Variants in PCDHA2 observed in about 807,000 individuals in gnomAD.
PCDHA2 encodes protocadherin alpha-2.
PCDHA2 carries 58 observed loss-of-function variants against 66.0 expected under a neutral mutation model. That is an observed-to-expected ratio of 0.88 (90% CI 0.71 to 1.09). PCDHA2 has a LOEUF of 1.09. Ranked by LOEUF, PCDHA2 falls within the 50% of genes least tolerant of loss-of-function variation. PCDHA2 has a pLI of 0.00. For missense variants in PCDHA2, 1,267 were observed against 1,242.3 expected (o/e 1.02, Z -0.30); for synonymous variants, 634 against 554.0 (o/e 1.14, Z -2.03).
At chr5:140,937,190 A>T (rs1255488487) in intron 1 of PCDHA2, among the ~76,000 whole-genome samples, 1 of 151,824 alleles carries the variant, frequency 6.6e-6, no homozygotes, top group East Asian at 2.0e-4. Context: ...GGCGCCCGCC[A>T]CCATGCCCGG....
intron 3 of PCDHA2, among the ~76,000 whole-genome samples, chr5:140,989,525 GAGGA>G (rs2097345403): frequency 6.6e-6 from 1 of 152,218 alleles, no homozygotes; most frequent in African/African-American, 2.4e-5. Flanking sequence ...GAGGGCAGAG[GAGGA>G]AGATAGTTTG....
intron 1 of PCDHA2, chr5:140,801,259 T>G (rs1762666214): frequency 3.7e-6 from 6 of 1,613,624 alleles, no homozygotes; most frequent in Non-Finnish European, 5.1e-6. Context: ...CTTCTGCTCC[T>G]CGCAGCCTCG....
intron 1 of PCDHA2, among the ~76,000 whole-genome samples, chr5:140,897,837 C>A: frequency 6.6e-6 from 1 of 152,116 alleles, no homozygotes; most frequent in African/African-American, 2.4e-5. Context: ...TCTCCACATC[C>A]TCTCCAGCAC....
At chr5:141,002,456 A>G (rs2098081347) in intron 3 of PCDHA2, among the ~76,000 whole-genome samples, 1 of 152,242 alleles carries the variant, frequency 6.6e-6, no homozygotes, top group Non-Finnish European at 1.5e-5. Context: ...GCACATTTGT[A>G]TAACGCTTTA....
chr5:140,916,367 C>G (rs1400347792), intron 1 of PCDHA2, among the ~76,000 whole-genome samples: 1 of 152,196 alleles, frequency 6.6e-6, no homozygotes, highest in Non-Finnish European at 1.5e-5. Flanking sequence ...GAGTCTTTCA[C>G]TGTAGCCACC....
chr5:140,842,929 C>A lies in PCDHA2; in HGVS notation c.2388+45577C>A, dbSNP rs2150347942. 3.8e-6 allele frequency: 6 copies of A among 1,594,270 alleles called. 1 individual carries two copies. The highest frequency in any genetic ancestry group is 5.1e-6 in the Non-Finnish European group (6 of 1,165,428). On this transcript the variant is annotated intron_variant, in intron 1 of 3. Coordinates refer to ENST00000526136, the MANE Select transcript of PCDHA2 (RefSeq NM_018905.3). ...TAGAGCTGCTGCAGTTCCAGGTGAGCGCGCGCGACGCGGGCGTGCCGCCTC... is the reference window on the plus strand; with the variant it reads ...TAGAGCTGCTGCAGTTCCAGGTGAGAGCGCGCGACGCGGGCGTGCCGCCTC...
intron 3 of PCDHA2, among the ~76,000 whole-genome samples, chr5:141,003,290 G>A (rs1302166316): frequency 1.3e-5 from 2 of 152,176 alleles, no homozygotes; most frequent in Non-Finnish European, 2.9e-5. Flanking sequence ...TTGGATTATA[G>A]GATTACATGA....
At chr5:140,842,919 T>A in intron 1 of PCDHA2, 1 of 1,594,538 alleles carries the variant, frequency 6.3e-7, no homozygotes, top group Non-Finnish European at 8.6e-7. Flanking sequence ...CTGCTGCAGT[T>A]CCAGGTGAGC....
intron 1 of PCDHA2, chr5:140,851,769 T>C: frequency 1.0e-6 from 1 of 967,128 alleles, no homozygotes; most frequent in Non-Finnish European, 1.2e-6. Flanking sequence ...ATTACCCTTA[T>C]GAATTTAGAT....
chr5:140,946,326 A>T (rs1554217498), intron 1 of PCDHA2, among the ~76,000 whole-genome samples: 1 of 151,914 alleles, frequency 6.6e-6, no homozygotes, highest in East Asian at 1.9e-4. Context: ...GAAAGAGGAA[A>T]GATAACAAGT....
chr5:140,928,308 C>A, intron 1 of PCDHA2: 1 of 1,614,126 alleles, frequency 6.2e-7, no homozygotes, highest in Non-Finnish European at 8.5e-7. Flanking sequence ...CCCAGGACCC[C>A]GACCTGGGGA....
chr5:140,821,991 C>A (rs782271106), intron 1 of PCDHA2: 2 of 1,614,008 alleles, frequency 1.2e-6, no homozygotes, highest in Non-Finnish European at 1.7e-6. Context: ...GCCGCGGGGA[C>A]CTTCTGGAGG....
chr5:140,857,728 C>T lies in PCDHA2; in HGVS notation c.2388+60376C>T, dbSNP rs781841380. ...TGTTCGTGCTGGACGAGAACGACAACGCTCCCGCGCTGCTGGCGTCTCCCG... is the reference window on the plus strand; with the variant it reads ...TGTTCGTGCTGGACGAGAACGACAATGCTCCCGCGCTGCTGGCGTCTCCCG... On this transcript the variant is annotated intron_variant, in intron 1 of 3. Transcript: ENST00000526136. 5.6e-6 allele frequency: 9 copies of T among 1,597,306 alleles called. 1 individual carries two copies. Among genetic ancestry groups the T allele is most frequent in the Non-Finnish European group, 5.1e-6 (6 of 1,167,718 alleles).
chr5:140,829,641 T>TGGAGCG, intron 1 of PCDHA2: 1 of 1,612,096 alleles, frequency 6.2e-7, no homozygotes, highest in Non-Finnish European at 8.5e-7. Context: ...AGCGGCAAGG[T>TGGAGCG]GTACGCGCTG....
At chr5:140,877,239 C>G (rs2056959197) in intron 1 of PCDHA2, 1 of 1,613,668 alleles carries the variant, frequency 6.2e-7, no homozygotes, top group Non-Finnish European at 8.5e-7. Context: ...GTGCGGGCCA[C>G]GTGGTGGCGA....
In PCDHA2 at chr5:140,945,883, GAA is replaced by G. The variant is rs2093856247; in HGVS notation, c.2389-33063_2389-33062del. On this transcript the variant is annotated intron_variant, in intron 1 of 3. Transcript: ENST00000526136. ...GACCTGAAATTGTAAAACTAACAAA[GAA>G]AACACAGTGGGAAAGATGAAAGATC... Among the ~76,000 whole-genome samples the G allele has an allele frequency of 2.6e-5, 4 of 152,104 alleles. No homozygotes were observed. The South Asian group carries it at 8.3e-4, about 32-fold the overall frequency.
chr5:140,856,780 G>C (rs1015178435), intron 1 of PCDHA2: 1 of 1,596,106 alleles, frequency 6.3e-7, no homozygotes, highest in Non-Finnish European at 8.6e-7. Flanking sequence ...TTGACAGACC[G>C]GTTTATGAAG....
chr5:140,809,075 G>A (rs1764355848), intron 1 of PCDHA2: 2 of 1,613,810 alleles, frequency 1.2e-6, no homozygotes, highest in African/African-American at 1.3e-5. Context: ...GTACACTGGC[G>A]AGATCAGCAC....
chr5:140,902,885 T>C (rs2069815301), intron 1 of PCDHA2, among the ~76,000 whole-genome samples: 1 of 152,238 alleles, frequency 6.6e-6, no homozygotes, highest in Admixed American at 6.5e-5. Context: ...CTGCAAAAGC[T>C]ATTATTTTAT....
Sources: gnomAD v4.1 joint callset for allele counts (sites outside exome capture counted in the v4.1 genomes callset) on GRCh38, gnomAD v4.1.1 for gene constraint, MANE v1.5 for transcripts, NCBI Gene and HGNC (gene_info 2026-07-23, HGNC 2026-07-21) for gene names.